The following TMC1 variants were observed in gnomAD, a reference collection of about 807,000 sequenced individuals.
The protein encoded by TMC1 is transmembrane channel-like protein 1.
In TMC1, 84 loss-of-function variants were observed where a neutral mutation model predicts 105.8. That is an observed-to-expected ratio of 0.79 (90% CI 0.67 to 0.95). The LOEUF (loss-of-function observed/expected upper bound fraction) is 0.95. TMC1 is among the 40% of genes least tolerant of loss of function. The pLI is 0.00. For synonymous variants in TMC1, 315 were observed against 311.5 expected (o/e 1.01, Z -0.12); for missense variants, 817 against 914.1 (o/e 0.89, Z 1.37).
chr9:72,684,770 A>G (rs1363536141), intron 5 of TMC1, among the ~76,000 whole-genome samples: 1 of 152,160 alleles, frequency 6.6e-6, no homozygotes, highest in Non-Finnish European at 1.5e-5. Flanking sequence ...ACAGTCTTCC[A>G]TCTTCTTTTC....
chr9:72,673,263 C>T (rs1007709539), intron 5 of TMC1, among the ~76,000 whole-genome samples: 1 of 151,416 alleles, frequency 6.6e-6, no homozygotes, highest in Non-Finnish European at 1.5e-5. Flanking sequence ...AGATCTCAAG[C>T]CAGTGATCTC....
At chr9:72,707,588 C>A (rs1826764912) in intron 8 of TMC1, among the ~76,000 whole-genome samples, 1 of 152,042 alleles carries the variant, frequency 6.6e-6, no homozygotes. Context: ...ATGACCTTAG[C>A]CCACTTTTTG....
chr9:72,590,175 A>G (rs577956689), intron 2 of TMC1, among the ~76,000 whole-genome samples: 2 of 152,314 alleles, frequency 1.3e-5, no homozygotes, highest in East Asian at 3.9e-4. Context: ...TTCAAATGAT[A>G]GCATTTTCAG....
At chr9:72,595,569 C>T (rs1463255552) in intron 2 of TMC1, among the ~76,000 whole-genome samples, 1 of 151,978 alleles carries the variant, frequency 6.6e-6, no homozygotes, top group Non-Finnish European at 1.5e-5. Context: ...TTCCATTCTG[C>T]TATCTATGGG....
chr9:72,539,773 A>G (rs1823644875), intron 1 of TMC1, among the ~76,000 whole-genome samples: 1 of 152,190 alleles, frequency 6.6e-6, no homozygotes, highest in Admixed American at 6.5e-5. Flanking sequence ...TTACAGCAAC[A>G]TTTCACTACT....
chr9:72,554,999 C>A (rs1823906806), intron 1 of TMC1, among the ~76,000 whole-genome samples: 1 of 152,096 alleles, frequency 6.6e-6, no homozygotes, highest in South Asian at 2.1e-4. Flanking sequence ...CTGCCTCAGT[C>A]TTCTGAGTAG....
intron 2 of TMC1, among the ~76,000 whole-genome samples, chr9:72,589,800 G>A (rs976586288): frequency 2.0e-5 from 3 of 152,180 alleles, no homozygotes; most frequent in African/African-American, 7.2e-5. Flanking sequence ...TTTAAAGGTC[G>A]TTTAGATGGA....
At chr9:72,708,197 G>T (rs1212541190) in intron 8 of TMC1, among the ~76,000 whole-genome samples, 4 of 151,958 alleles carry the variant, frequency 2.6e-5, no homozygotes, top group Non-Finnish European at 4.4e-5. Flanking sequence ...GAAGGTAATT[G>T]GATGCTTCCA....
At chr9:72,551,492 G>C (rs920705492) in intron 1 of TMC1, among the ~76,000 whole-genome samples, 6 of 152,182 alleles carry the variant, frequency 3.9e-5, no homozygotes, top group Non-Finnish European at 7.3e-5. Context: ...TCCCCCTGTT[G>C]AGTTGCCAGA....
chr9:72,735,036 C>A (rs191963484), intron 8 of TMC1, among the ~76,000 whole-genome samples: 9 of 152,300 alleles, frequency 5.9e-5, no homozygotes, highest in Admixed American at 2.6e-4. Flanking sequence ...TCTTGAAAGA[C>A]CATGAAACCT....
At chr9:72,621,440 C>G (rs930517898) in intron 3 of TMC1, among the ~76,000 whole-genome samples, 1 of 152,112 alleles carries the variant, frequency 6.6e-6, no homozygotes, top group African/African-American at 2.4e-5. Flanking sequence ...TCCAAGTCCT[C>G]AATCCAAAAG....
chr9:72,826,604 A>G lies in TMC1; in HGVS notation c.2004-265A>G, dbSNP rs568617396. On this transcript the variant is annotated intron_variant, in intron 20 of 23. Transcript: ENST00000297784. ...ATTTCAATCAAAATCTTAGAAATACAGTTTTTAAAAATCTTCTCCTAAATA... is the reference window on the plus strand; with the variant it reads ...ATTTCAATCAAAATCTTAGAAATACGGTTTTTAAAAATCTTCTCCTAAATA... Among the ~76,000 whole-genome samples the G allele has an allele frequency of 5.3e-5, 8 of 152,312 alleles. No homozygotes were observed. The East Asian group carries it at 7.7e-4, about 15-fold the overall frequency.
At chr9:72,652,441 A>C (rs1245204939) in intron 5 of TMC1, among the ~76,000 whole-genome samples, 1 of 152,176 alleles carries the variant, frequency 6.6e-6, no homozygotes, top group African/African-American at 2.4e-5. Flanking sequence ...CACCCTGAAC[A>C]ACTTCAGCAT....
At chr9:72,833,484 T>G (rs1829074393) in intron 23 of TMC1, among the ~76,000 whole-genome samples, 1 of 152,176 alleles carries the variant, frequency 6.6e-6, no homozygotes, top group African/African-American at 2.4e-5. Flanking sequence ...CTGTCATCCT[T>G]TCATTTTTCT....
At chr9:72,535,243 C>T (rs1014221924) in intron 1 of TMC1, among the ~76,000 whole-genome samples, 1 of 152,150 alleles carries the variant, frequency 6.6e-6, no homozygotes, top group African/African-American at 2.4e-5. Context: ...ACAAAGTACC[C>T]CGATGTCTTC....
chr9:72,812,828 A>G (rs145231511), intron 18 of TMC1, among the ~76,000 whole-genome samples: 9 of 152,372 alleles, frequency 5.9e-5, no homozygotes, highest in African/African-American at 1.9e-4. Context: ...TGCATTTCAT[A>G]TTATCCACAG....
rs557018735 is a variant in TMC1 at position 72,645,709 on chromosome 9, C to CTT, written c.-52-2887_-52-2886insTT. 9.2e-4 allele frequency among the ~76,000 whole-genome samples: 140 copies of CTT among 152,274 alleles called. 1 individual carries two copies. In the South Asian group the frequency reaches 0.028, roughly 31 times the overall value. ...AAACAAGCTCTCACGAAATAAAGCT[C>CTT]TAATTTTGCAAGAATTTCAATGGGA... On this transcript the variant is annotated intron_variant, in intron 4 of 23. Transcript: ENST00000297784.
At chr9:72,799,994 G>A (rs938301585) in intron 17 of TMC1, among the ~76,000 whole-genome samples, 2 of 152,136 alleles carry the variant, frequency 1.3e-5, no homozygotes, top group Non-Finnish European at 2.9e-5. Context: ...AGGAGATTAA[G>A]AGCCAAGGAA....
chr9:72,682,406 G>A (rs1826303350), intron 5 of TMC1, among the ~76,000 whole-genome samples: 1 of 152,090 alleles, frequency 6.6e-6, no homozygotes, highest in Non-Finnish European at 1.5e-5. Flanking sequence ...ATAGCTTACA[G>A]GTTTATTAAG....
Sources: allele counts gnomAD v4.1 joint callset (sites outside exome capture counted in the v4.1 genomes callset), GRCh38; gene constraint gnomAD v4.1.1; transcripts MANE v1.5; gene names NCBI Gene and HGNC (gene_info 2026-07-23, HGNC 2026-07-21).